ZNG1A: variants seen among roughly 807,000 people sequenced by gnomAD.
ZNG1A encodes zinc-regulated GTPase metalloprotein activator 1A.
the ZNG1A span, chr9:153,912 T>C: frequency 1.3e-5 from 2 of 152,130 alleles, no homozygotes; most frequent in African/African-American, 4.8e-5. Flanking sequence ...CCAATACTAA[T>C]AGCTACCGAA....
the ZNG1A span, among the ~76,000 whole-genome samples, chr9:145,692 G>C: frequency 6.7e-6 from 1 of 149,642 alleles, no homozygotes; most frequent in East Asian, 2.0e-4. Context: ...AAAACTTAAA[G>C]TATAATAATA....
chr9:178,204 C>T, the ZNG1A span, among the ~76,000 whole-genome samples: 1 of 149,722 alleles, frequency 6.7e-6, no homozygotes, highest in Non-Finnish European at 1.5e-5. Context: ...TTCGAGTATC[C>T]CTGTACACTC....
chr9:140,082 G>T, the ZNG1A span, among the ~76,000 whole-genome samples: 1 of 150,746 alleles, frequency 6.6e-6, no homozygotes, highest in Non-Finnish European at 1.5e-5. Context: ...AGCGAGGCTC[G>T]GGGAGGGGCG....
At chr9:148,255 C>T in the ZNG1A span, 1 of 101,386 alleles carries the variant, frequency 9.9e-6, no homozygotes, top group Non-Finnish European at 2.1e-5. Context: ...AGAATACATG[C>T]CATCCAGAGG....
the ZNG1A span, among the ~76,000 whole-genome samples, chr9:143,040 T>A: frequency 2.7e-5 from 4 of 147,398 alleles, no homozygotes; most frequent in Non-Finnish European, 4.5e-5. Context: ...TCTGAAATTG[T>A]GTCAATAATC....
the ZNG1A span, among the ~76,000 whole-genome samples, chr9:160,648 C>T: frequency 2.6e-5 from 4 of 151,514 alleles, no homozygotes; most frequent in African/African-American, 9.7e-5. Context: ...TAACTCTTCT[C>T]CATACCCAAC....
At chr9:145,864 C>T in the ZNG1A span, among the ~76,000 whole-genome samples, 29 of 151,738 alleles carry the variant, frequency 1.9e-4, no homozygotes, top group African/African-American at 3.9e-4. Flanking sequence ...GAAGTGTTAA[C>T]GATTAGCCTC....
the ZNG1A span, among the ~76,000 whole-genome samples, chr9:159,292 G>T: frequency 1.4e-5 from 2 of 148,050 alleles, no homozygotes; most frequent in African/African-American, 5.0e-5. Context: ...AAATTAAAGG[G>T]GAGTGGTGTG....
the ZNG1A span, among the ~76,000 whole-genome samples, chr9:155,355 G>A: frequency 1.3e-4 from 20 of 151,422 alleles, no homozygotes; most frequent in Admixed American, 9.9e-4. Flanking sequence ...AGGAGGCTGA[G>A]GAGGGAGGAT....
At chr9:145,553 T>C in the ZNG1A span, among the ~76,000 whole-genome samples, 2 of 70,434 alleles carry the variant, frequency 2.8e-5, no homozygotes, top group African/African-American at 1.2e-4. Context: ...TGTTGTGGGG[T>C]GGGGGGAGGG....
At chr9:146,101 C>T in the ZNG1A span, 3 of 1,552,612 alleles carry the variant, frequency 1.9e-6, no homozygotes, top group Non-Finnish European at 1.7e-6. Context: ...ACAAAACATA[C>T]CTTATTCCAG....
the ZNG1A span, among the ~76,000 whole-genome samples, chr9:120,882 A>G: frequency 6.6e-6 from 1 of 152,202 alleles, no homozygotes; most frequent in Admixed American, 6.5e-5. Flanking sequence ...CACTCCCAAG[A>G]AAGTACACTA....
At chr9:159,717 A>G in the ZNG1A span, among the ~76,000 whole-genome samples, 12 of 151,394 alleles carry the variant, frequency 7.9e-5, no homozygotes, top group South Asian at 2.1e-4. Flanking sequence ...AGAAAAAACT[A>G]TCTTAAAACC....
At chr9:145,490 T>C in the ZNG1A span, among the ~76,000 whole-genome samples, 39 of 139,032 alleles carry the variant, frequency 2.8e-4, no homozygotes, top group African/African-American at 8.2e-4. Flanking sequence ...TAGGTGGGAA[T>C]TGAACAATGA....
chr9:165,134 G>T, the ZNG1A span, among the ~76,000 whole-genome samples: 2 of 152,126 alleles, frequency 1.3e-5, no homozygotes, highest in African/African-American at 4.8e-5. Flanking sequence ...TCCAAAACGG[G>T]AAACAACTGA....
At chr9:170,407 G>A in the ZNG1A span, among the ~76,000 whole-genome samples, 2,980 of 143,870 alleles carry the variant, frequency 0.021, 257 homozygotes, top group African/African-American at 0.073. Flanking sequence ...GTGTGTGTGT[G>A]TACAGTCTTG....
chr9:175,376 C>CA, the ZNG1A span, among the ~76,000 whole-genome samples: 6 of 147,460 alleles, frequency 4.1e-5, no homozygotes, highest in African/African-American at 1.0e-4. Context: ...GACTCCATCT[C>CA]AAAAAAAATA....
At chr9:128,602 T>A in the ZNG1A span, among the ~76,000 whole-genome samples, 4 of 140,480 alleles carry the variant, frequency 2.8e-5, no homozygotes, top group Non-Finnish European at 6.1e-5. Context: ...TTTTTTTTTA[T>A]ATATCTTTAC....
chr9:150,121 G>GTTTTTTTTTT, the ZNG1A span: 4 of 48,288 alleles, frequency 8.3e-5, no homozygotes, highest in African/African-American at 1.7e-4. Flanking sequence ...CTCCGGTTTT[G>GTTTTTTTTTT]TTTTTTTTTT....
Sources: allele counts gnomAD v4.1 joint callset (sites outside exome capture counted in the v4.1 genomes callset), GRCh38; gene constraint gnomAD v4.1.1; transcripts MANE v1.5; gene names NCBI Gene and HGNC (gene_info 2026-07-23, HGNC 2026-07-21).